Variants in ABTB2 observed in about 807,000 individuals in gnomAD.
ABTB2 encodes ankyrin repeat and BTB/POZ domain-containing protein 2.
Under a neutral mutation model 104.1 loss-of-function variants are expected in ABTB2, and 56 were observed. The observed-to-expected ratio is 0.54, with a 90% CI of 0.43 to 0.67. ABTB2 has a LOEUF of 0.67. Among genes scored for constraint, ABTB2 ranks in the 30% least tolerant of loss-of-function variants. The pLI is 0.00. For missense variants in ABTB2, 1,279 were observed against 1,407.7 expected, an observed-to-expected ratio of 0.91 and a Z score of 1.46; for synonymous variants, 606 against 608.2, an observed-to-expected ratio of 1.00 and a Z score of 0.05.
At chr11:34,323,182 C>G (rs1322433742) in intron 1 of ABTB2, among the ~76,000 whole-genome samples, 1 of 152,196 alleles carries the variant, frequency 6.6e-6, no homozygotes, top group African/African-American at 2.4e-5. Flanking sequence ...GCTGGAATTA[C>G]AGGCGTGAGT....
chr11:34,244,716 A>T (rs1853963984), intron 1 of ABTB2, among the ~76,000 whole-genome samples: 1 of 152,160 alleles, frequency 6.6e-6, no homozygotes, highest in Admixed American at 6.5e-5. Flanking sequence ...CTCATCTATC[A>T]AACTGCGATT....
Position 34,152,420 on chromosome 11 carries a change from G to C in ABTB2, c.3045C>G (p.Arg1015=). 6.3e-7 allele frequency: 1 copy of C among 1,586,328 alleles called. No homozygotes were observed. Among genetic ancestry groups the C allele is most frequent in the South Asian group, 1.1e-5 (1 of 87,010 alleles). ...GGGAGGTGATGTAGACAGAGTGCAC[G>C]CGCTCTGCCAGGGTGTTCTGCAGGT... ...LQDLQNTLAE[R]VHSVYITSRV Residue 1015 remains arginine, a synonymous_variant, in exon 17 of 17, where the codon CGC becomes CGG. Coordinates refer to ENST00000435224, the MANE Select transcript of ABTB2 (RefSeq NM_145804.3).
intron 2 of ABTB2, among the ~76,000 whole-genome samples, chr11:34,203,455 C>T (rs1853368681): frequency 1.3e-5 from 2 of 152,154 alleles, no homozygotes; most frequent in South Asian, 4.1e-4. Context: ...TGCGAGGGCC[C>T]AAGACAGCCC....
At chr11:34,187,817 G>A (rs1853121660) in intron 3 of ABTB2, among the ~76,000 whole-genome samples, 1 of 152,132 alleles carries the variant, frequency 6.6e-6, no homozygotes, top group South Asian at 2.1e-4. Context: ...TACTCTGAGG[G>A]CTGAGTTAAG....
chr11:34,284,989 C>T (rs529752188), intron 1 of ABTB2, among the ~76,000 whole-genome samples: 4 of 152,356 alleles, frequency 2.6e-5, no homozygotes, highest in Admixed American at 2.0e-4. Context: ...GTGTAAACAC[C>T]TTCCATCCTC....
At position 34,357,130 on chromosome 11, in the gene ABTB2, T is replaced by C. The variant is rs1318876592; in HGVS notation, c.454A>G (p.Lys152Glu). ...CTCTGCACCTCAAAGCGGGTGCACT[T>C]GGCGTGCAGCACGCTCAGGCGCTGC... ...EAQRLSVLHA[K>E]CTRFEVQSAV... Residue 152 changes from lysine (K) to glutamate (E), a missense_variant, in exon 1 of 17, where the codon AAG becomes GAG. Coordinates refer to ENST00000435224, the MANE Select transcript of ABTB2 (RefSeq NM_145804.3). 1 of 1,507,574 alleles carries C rather than the reference T, an allele frequency of 6.6e-7. No individual in the cohort carries two copies. Among genetic ancestry groups the C allele is most frequent in the South Asian group, 1.2e-5 (1 of 80,420 alleles). 93.4% of individuals were successfully genotyped at this position (1,507,574 alleles called of 1,614,324 possible). A position where few individuals can be genotyped will look rare whatever the true frequency, so the allele number is the denominator to read the frequency against.
chr11:34,312,765 A>G (rs914816316), intron 1 of ABTB2, among the ~76,000 whole-genome samples: 4 of 152,108 alleles, frequency 2.6e-5, no homozygotes, highest in East Asian at 1.9e-4. Context: ...CAGGGGTGCA[A>G]TCATGGCTCA....
At chr11:34,290,106 T>C (rs533170549) in intron 1 of ABTB2, among the ~76,000 whole-genome samples, 16 of 152,314 alleles carry the variant, frequency 1.1e-4, no homozygotes, top group African/African-American at 3.6e-4. Context: ...ATCAGTTCTA[T>C]TGGCCTTAGG....
intron 1 of ABTB2, among the ~76,000 whole-genome samples, chr11:34,246,325 G>C (rs184373199): frequency 6.6e-6 from 1 of 152,058 alleles, no homozygotes; most frequent in Non-Finnish European, 1.5e-5. Context: ...TCTTGGGCTG[G>C]GTGTGGTGGC....
intron 1 of ABTB2, among the ~76,000 whole-genome samples, chr11:34,235,236 C>T (rs994332204): frequency 6.6e-6 from 1 of 152,136 alleles, no homozygotes; most frequent in Admixed American, 6.5e-5. Context: ...GCAAGCTCTG[C>T]ATAGCAGGGA....
At chr11:34,344,482 C>T (rs1324526287) in intron 1 of ABTB2, among the ~76,000 whole-genome samples, 1 of 152,198 alleles carries the variant, frequency 6.6e-6, no homozygotes, top group Non-Finnish European at 1.5e-5. Flanking sequence ...GGTGGCCTGT[C>T]TCCCAGCCAA....
At chr11:34,187,851 G>C (rs1045440789) in intron 3 of ABTB2, among the ~76,000 whole-genome samples, 3 of 152,198 alleles carry the variant, frequency 2.0e-5, no homozygotes, top group African/African-American at 7.2e-5. Flanking sequence ...CAGGGACTGA[G>C]GGAAGGAGGG....
rs61004376 is a variant in ABTB2, at chr11:34,263,080, T to C, written c.884-58390A>G. On this transcript the variant is annotated intron_variant, in intron 1 of 16. Coordinates refer to ENST00000435224, the MANE Select transcript of ABTB2 (RefSeq NM_145804.3). ...AAGGACTCCGGAGGCCGGTTTAGCA[T>C]CAGAAATGCTTTGGTGGTAGCTCTG... is the stretch of plus-strand genomic sequence containing the variant. Among the ~76,000 whole-genome samples, 572 of 152,262 alleles carry C rather than the reference T, an allele frequency of 3.8e-3. 2 individuals are homozygous for C. Among genetic ancestry groups the C allele is most frequent in the African/African-American group, 0.013 (550 of 41,546 alleles).
intron 3 of ABTB2, among the ~76,000 whole-genome samples, chr11:34,176,411 A>G (rs943337034): frequency 1.3e-5 from 2 of 152,236 alleles, no homozygotes; most frequent in Non-Finnish European, 2.9e-5. Flanking sequence ...AAGCACGGGA[A>G]CAATGACTTC....
rs148044442 is a variant in ABTB2 at position 34,307,126 on chromosome 11, A to T, written c.883+49575T>A. On this transcript the variant is annotated intron_variant, in intron 1 of 16. Transcript: ENST00000435224. ...GTTAGATCCTGGTATCCTAAGTCAT[A>T]AGGACAACCCAAGTCACCTAGGCTC... Among the ~76,000 whole-genome samples the T allele has an allele frequency of 2.4e-3, 367 of 152,236 alleles. 2 individuals are homozygous for T. Among genetic ancestry groups the T allele is most frequent in the African/African-American group, 8.5e-3 (355 of 41,546 alleles).
rs1418569922 is a variant in ABTB2 at position 34,160,309 on chromosome 11, G to A, written c.2442C>T (p.Cys814=). The change falls in exon 12 of 17, where the codon TGC becomes TGT. Residue 814 remains cysteine (C), a synonymous_variant. Transcript: ENST00000435224. ...IQQLATIFTH[C]YGSSPIPSIP... ...TGCTGGGGATGGGACTGCTGCCATA[G>A]CAGTGGGTGAAGATGGTAGCCAGTT... is the stretch of plus-strand genomic sequence containing the variant. 1 of 1,614,220 alleles carries A rather than the reference G, an allele frequency of 6.2e-7. No individual in the cohort carries two copies. The highest frequency in any genetic ancestry group is 1.1e-5 in the South Asian group (1 of 91,090).
chr11:34,157,169 G>A (rs987429141), intron 14 of ABTB2, among the ~76,000 whole-genome samples: 5 of 152,214 alleles, frequency 3.3e-5, no homozygotes, highest in African/African-American at 7.2e-5. Flanking sequence ...AGGGAGGCCC[G>A]GAAAGTCGGA....
At chr11:34,225,663 G>A (rs1042343892) in intron 1 of ABTB2, among the ~76,000 whole-genome samples, 5 of 152,110 alleles carry the variant, frequency 3.3e-5, no homozygotes, top group Non-Finnish European at 7.4e-5. Flanking sequence ...GCTGAGGCAG[G>A]AGAATTGCTT....
At chr11:34,280,029 C>G (rs924734999) in intron 1 of ABTB2, among the ~76,000 whole-genome samples, 2 of 151,964 alleles carry the variant, frequency 1.3e-5, no homozygotes, top group African/African-American at 4.8e-5. Flanking sequence ...ACTCAGCCTC[C>G]GAAAGTGCTG....
Sources: allele counts gnomAD v4.1 joint callset (sites outside exome capture counted in the v4.1 genomes callset), GRCh38; gene constraint gnomAD v4.1.1; transcripts MANE v1.5; gene names NCBI Gene and HGNC (gene_info 2026-07-23, HGNC 2026-07-21).